Variants in CTNNA3 observed in about 807,000 individuals in gnomAD.
The protein encoded by CTNNA3 is catenin alpha 3.
CTNNA3 carries 76 observed loss-of-function variants against 95.7 expected under a neutral mutation model. The ratio of observed to expected loss-of-function variants is 0.79; its 90% CI spans 0.66 to 0.96. The LOEUF is 0.96. Among genes scored for constraint, CTNNA3 ranks in the 40% least tolerant of loss-of-function variants. CTNNA3 has a pLI of 0.00. For synonymous variants in CTNNA3, 431 were observed against 374.4 expected, an observed-to-expected ratio of 1.15 and a Z score of -1.74; for missense variants, 1,191 against 1,089.8, an observed-to-expected ratio of 1.09 and a Z score of -1.31.
intron 15 of CTNNA3, among the ~76,000 whole-genome samples, chr10:66,041,323 G>A (rs1237242107): frequency 6.6e-6 from 1 of 152,180 alleles, no homozygotes; most frequent in African/African-American, 2.4e-5. Context: ...AATATAAGGT[G>A]AGATCCAATT....
At chr10:67,612,487 G>C (rs1007966298) in intron 2 of CTNNA3, among the ~76,000 whole-genome samples, 5 of 152,062 alleles carry the variant, frequency 3.3e-5, no homozygotes, top group African/African-American at 9.7e-5. Context: ...AAGGGGCAGA[G>C]AAAAAAATTT....
chr10:67,299,886 T>A (rs1370760285), intron 5 of CTNNA3, among the ~76,000 whole-genome samples: 1 of 152,200 alleles, frequency 6.6e-6, no homozygotes, highest in Non-Finnish European at 1.5e-5. Context: ...AGACTTGACA[T>A]AAGGCAGAAT....
intron 13 of CTNNA3, 68 bp downstream of exon 13, chr10:66,280,402 A>C: frequency 7.5e-7 from 1 of 1,333,796 alleles, no homozygotes. Context: ...CATTTCTTGC[A>C]GTCATCCCAG....
intron 13 of CTNNA3, among the ~76,000 whole-genome samples, chr10:66,129,660 G>T (rs1323326206): frequency 6.6e-6 from 1 of 152,054 alleles, no homozygotes; most frequent in African/African-American, 2.4e-5. Flanking sequence ...CCTGCTTGCA[G>T]TGCAGCCCCC....
At chr10:67,248,692 T>A (rs969657731) in intron 5 of CTNNA3, among the ~76,000 whole-genome samples, 6 of 152,102 alleles carry the variant, frequency 3.9e-5, no homozygotes, top group Non-Finnish European at 8.8e-5. Context: ...CTCCTGAAAG[T>A]GCTGGAATTA....
At chr10:66,803,569 C>CCTACAAT (rs55834562) in intron 7 of CTNNA3, among the ~76,000 whole-genome samples, 41,088 of 151,558 alleles carry the variant, frequency 0.27, 6,006 homozygotes, top group African/African-American at 0.41. Flanking sequence ...AGCTACAGAT[C>CCTACAAT]CTATAAAGCA....
intron 5 of CTNNA3, among the ~76,000 whole-genome samples, chr10:67,270,982 A>G (rs954095566): frequency 6.6e-6 from 1 of 152,188 alleles, no homozygotes; most frequent in Non-Finnish European, 1.5e-5. Flanking sequence ...AACAATGATT[A>G]ACAAAAACCA....
intron 9 of CTNNA3, among the ~76,000 whole-genome samples, chr10:66,743,719 T>C (rs1163929319): frequency 6.6e-6 from 1 of 152,078 alleles, no homozygotes; most frequent in African/African-American, 2.4e-5. Flanking sequence ...GGCTCATGAC[T>C]GTAATCCCAG....
rs575300895 is a variant in CTNNA3 at position 67,126,775 on chromosome 10, T to C, written c.1047+53542A>G. 2.7e-4 allele frequency among the ~76,000 whole-genome samples: 41 copies of C among 152,308 alleles called. 1 individual carries two copies. Among genetic ancestry groups the C allele is most frequent in the African/African-American group, 7.5e-4 (31 of 41,572 alleles). ...GGGTGAATTCATCTTTGTCCAAAAA[T>C]GTAACCGTTGTACCAAATGTAACCT... On this transcript the variant is annotated intron_variant, in intron 7 of 17. Coordinates refer to ENST00000433211, the MANE Select transcript of CTNNA3 (RefSeq NM_013266.4).
intron 13 of CTNNA3, among the ~76,000 whole-genome samples, chr10:66,152,519 A>G (rs1368670954): frequency 6.6e-6 from 1 of 151,910 alleles, no homozygotes; most frequent in Non-Finnish European, 1.5e-5. Flanking sequence ...AACTAACAAC[A>G]TGTATTCTGA....
intron 11 of CTNNA3, among the ~76,000 whole-genome samples, chr10:66,474,901 T>C (rs1422126873): frequency 1.3e-5 from 2 of 152,014 alleles, no homozygotes; most frequent in Non-Finnish European, 2.9e-5. Flanking sequence ...TTTAATTAGA[T>C]TGTTTTGTTT....
chr10:67,693,019 G>C (rs1840898730), intron 1 of CTNNA3, among the ~76,000 whole-genome samples: 1 of 152,114 alleles, frequency 6.6e-6, no homozygotes, highest in African/African-American at 2.4e-5. Flanking sequence ...ATAATGAAAG[G>C]CAAAGAAAAG....
chr10:66,369,136 C>A (rs536502123), intron 12 of CTNNA3, among the ~76,000 whole-genome samples: 3 of 152,240 alleles, frequency 2.0e-5, no homozygotes, highest in African/African-American at 4.8e-5. Flanking sequence ...GAGAAGAAAT[C>A]TCTTCCCAGG....
At chr10:67,515,038 C>G (rs1839768825) in intron 5 of CTNNA3, among the ~76,000 whole-genome samples, 1 of 152,068 alleles carries the variant, frequency 6.6e-6, no homozygotes, top group South Asian at 2.1e-4. Context: ...TTTTACTTTG[C>G]TAATTTAATA....
chr10:67,292,474 G>A (rs1222098839), intron 5 of CTNNA3, among the ~76,000 whole-genome samples: 2 of 151,926 alleles, frequency 1.3e-5, no homozygotes, highest in Admixed American at 6.6e-5. Flanking sequence ...AACAATAAGC[G>A]CAATGATTGT....
At chr10:66,304,877 T>G (rs1036340458) in intron 12 of CTNNA3, among the ~76,000 whole-genome samples, 1 of 152,194 alleles carries the variant, frequency 6.6e-6, no homozygotes, top group African/African-American at 2.4e-5. Flanking sequence ...TGATTTATTA[T>G]TAGTAGTAAT....
At chr10:66,420,020 A>T (rs2093178461) in intron 11 of CTNNA3, among the ~76,000 whole-genome samples, 1 of 152,216 alleles carries the variant, frequency 6.6e-6, no homozygotes, top group Non-Finnish European at 1.5e-5. Context: ...AGACAAATGG[A>T]ACAAAAATAG....
intron 11 of CTNNA3, among the ~76,000 whole-genome samples, chr10:66,400,674 A>G (rs1010758228): frequency 6.6e-6 from 1 of 152,134 alleles, no homozygotes; most frequent in African/African-American, 2.4e-5. Context: ...TCCCTGCTAT[A>G]ATATAAACTT....
At chr10:66,281,105 A>G (rs748957362) in intron 12 of CTNNA3, among the ~76,000 whole-genome samples, 4 of 151,910 alleles carry the variant, frequency 2.6e-5, no homozygotes, top group Non-Finnish European at 5.9e-5. Context: ...TCTGCCTTAT[A>G]GAAATAATAA....
Sources: gnomAD v4.1 joint callset for allele counts (sites outside exome capture counted in the v4.1 genomes callset) on GRCh38, gnomAD v4.1.1 for gene constraint, MANE v1.5 for transcripts, NCBI Gene and HGNC (gene_info 2026-07-23, HGNC 2026-07-21) for gene names.